ASAH2: variants seen among roughly 807,000 people sequenced by gnomAD.
ASAH2 encodes the protein N-acylsphingosine amidohydrolase 2, also known as neutral ceramidase.
ASAH2 carries 58 observed loss-of-function variants against 82.9 expected under a neutral mutation model. The observed-to-expected ratio is 0.70, with a 90% CI of 0.57 to 0.87. ASAH2 has a LOEUF of 0.87. Among genes scored for constraint, ASAH2 ranks in the 40% least tolerant of loss-of-function variants. The probability of loss-of-function intolerance (pLI) is 0.00; values close to 1 mark genes in which losing one functional copy is unlikely to be tolerated. For missense variants in ASAH2, 779 were observed against 834.0 expected, an observed-to-expected ratio of 0.93 and a Z score of 0.81; for synonymous variants, 276 against 289.7, an observed-to-expected ratio of 0.95 and a Z score of 0.48.
chr10:50,214,628 G>T (rs1845547612), intron 9 of ASAH2, 115 bp downstream of exon 9: 1 of 1,291,080 alleles, frequency 7.7e-7, no homozygotes, highest in South Asian at 1.2e-5. Flanking sequence ...ATGCTAGGGA[G>T]AACTAGGCCA....
At position 50,211,151 on chromosome 10, in the gene ASAH2, C is replaced by CTAA; in HGVS notation, c.1228-18_1228-17insTTA. The CTAA allele has an allele frequency of 6.3e-7, 1 of 1,575,744 alleles. No homozygotes were observed. The highest frequency in any genetic ancestry group is 8.7e-7 in the Non-Finnish European group (1 of 1,145,512). ...ATAGAGTTCCTAGAAAACACACAGG[C>CTAA]TTATTATTCCAAGCAAAAAGGCTAA... On this transcript the variant is annotated splice_polypyrimidine_tract_variant and intron_variant, in intron 10 of 20. Coordinates refer to ENST00000682911, the MANE Select transcript of ASAH2 (RefSeq NM_019893.4).
intron 4 of ASAH2, chr10:50,240,694 C>A: frequency 1.5e-6 from 1 of 663,684 alleles, no homozygotes; most frequent in Non-Finnish European, 2.7e-6. Flanking sequence ...TACATCCCTC[C>A]TTTGTGCCTC....
At chr10:50,213,570 T>C (rs1202395717) in intron 9 of ASAH2, among the ~76,000 whole-genome samples, 1 of 152,112 alleles carries the variant, frequency 6.6e-6, no homozygotes, top group Non-Finnish European at 1.5e-5. Context: ...ATATTATAAG[T>C]GGAATCAAAA....
intron 16 of ASAH2, among the ~76,000 whole-genome samples, chr10:50,201,039 G>T (rs1357532039): frequency 6.6e-6 from 1 of 151,994 alleles, no homozygotes; most frequent in Non-Finnish European, 1.5e-5. Context: ...CAGAATGGCA[G>T]AATGGCACAG....
chr10:50,243,147 A>T, intron 4 of ASAH2, 55 bp downstream of exon 4: 1 of 1,591,602 alleles, frequency 6.3e-7, no homozygotes, highest in Admixed American at 1.7e-5. Context: ...ACATTCACCC[A>T]CTTTTCCTTA....
At chr10:50,240,647 T>C (rs926792783) in intron 4 of ASAH2, 17 of 700,490 alleles carry the variant, frequency 2.4e-5, no homozygotes, top group Admixed American at 6.0e-5. Context: ...CCTCCATATG[T>C]CCTAATAGAT....
intron 5 of ASAH2, among the ~76,000 whole-genome samples, chr10:50,235,656 A>G (rs1024773233): frequency 2.6e-5 from 4 of 152,130 alleles, no homozygotes; most frequent in Non-Finnish European, 5.9e-5. Context: ...AAATAACTAC[A>G]TTGGGCTTAG....
At position 50,251,218 on chromosome 10, in the gene ASAH2, C is replaced by T. The variant is rs114508519; in HGVS notation, c.-37+177G>A. On this transcript the variant is annotated intron_variant, in intron 1 of 20. Transcript: ENST00000682911. ...AATAGCAAGCCGTTTGCCACATCTTCACATAACGGGGTCCCTGTTTTTCAA... is the reference window on the plus strand; with the variant it reads ...AATAGCAAGCCGTTTGCCACATCTTTACATAACGGGGTCCCTGTTTTTCAA... 5.0e-3 allele frequency among the ~76,000 whole-genome samples: 769 copies of T among 152,318 alleles called. 7 individuals carry two copies. Among genetic ancestry groups the T allele is most frequent in the African/African-American group, 0.017 (710 of 41,570 alleles).
chr10:50,230,104 A>G (rs1845985988), intron 7 of ASAH2, among the ~76,000 whole-genome samples: 1 of 152,148 alleles, frequency 6.6e-6, no homozygotes, highest in Admixed American at 6.6e-5. Flanking sequence ...TAGCACAAAC[A>G]TGGGTACTAG....
chr10:50,238,467 G>A (rs113831393), intron 4 of ASAH2, among the ~76,000 whole-genome samples: 7,187 of 152,176 alleles, frequency 0.047, 242 homozygotes, highest in South Asian at 0.14. Context: ...ACATCCTTCT[G>A]TATTCCTTCT....
At position 50,212,957 on chromosome 10, in the gene ASAH2, A is replaced by C; in HGVS notation, c.1227+15T>G. On this transcript the variant is annotated intron_variant, in intron 10 of 20. Coordinates refer to ENST00000682911, the MANE Select transcript of ASAH2 (RefSeq NM_019893.4). ...ATTTTAAACAAAGATTAAAGGAGCG[A>C]GGCCCATGGCTTACCTTTGCTCTCT... 6.2e-7 allele frequency: 1 copy of C among 1,608,476 alleles called. No individual in the cohort carries two copies. Among genetic ancestry groups the C allele is most frequent in the Non-Finnish European group, 8.5e-7 (1 of 1,174,910 alleles).
Position 50,206,075 on chromosome 10 carries a change from A to G in ASAH2, c.1437T>C (p.Phe479=), listed in dbSNP as rs1845286838. Residue 479 remains phenylalanine (F), a synonymous_variant, in exon 13 of 21, where the codon TTT becomes TTC. Transcript: ENST00000682911. The part of the protein sequence containing the change: ...FTQGKTEGDP[F]WDTIRDQILG... ...GGATCTGGTCCCGAATGGTGTCCCA[A>G]AATGGATCCCCTTCTGTTTTCCCTA... The G allele has an allele frequency of 3.7e-6, 6 of 1,612,302 alleles. No individual in the cohort carries two copies. In the African/African-American group the frequency reaches 6.7e-5, roughly 18 times the overall value.
Position 50,233,230 on chromosome 10 carries a change from C to T in ASAH2, c.847G>A (p.Val283Ile). Reference protein sequence around the residue: ...YSSNTDKEMIVLKMVDLNGDD... With the variant: ...YSSNTDKEMIILKMVDLNGDD... ...CCATTCAAATCTACCATTTTCAAAA[C>T]TATCATTTCCTTGTCTGTATTTGAA... The change falls in exon 7 of 21, where the codon GTT becomes ATT. Residue 283 changes from valine (V) to isoleucine (I), a missense_variant. By Grantham distance (29) the Val-to-Ile change is conservative. This residue lies in a region of ASAH2 where 759 missense variants were observed against 755.2 expected (regional missense o/e 1.00). Transcript: ENST00000682911. 3.1e-6 allele frequency: 5 copies of T among 1,611,924 alleles called. No homozygotes were observed. The South Asian group carries it at 5.5e-5, about 18-fold the overall frequency.
chr10:50,243,188 C>A lies in ASAH2; in HGVS notation c.510+14G>T. On this transcript the variant is annotated intron_variant, in intron 4 of 20. Transcript: ENST00000682911. ...TATCATTTCTTCATTCATTTCTCCT[C>A]TCAAATCACTTACCTCCAGCCTGAG... 6.2e-7 allele frequency: 1 copy of A among 1,612,846 alleles called. No individual in the cohort carries two copies. Among genetic ancestry groups the A allele is most frequent in the Non-Finnish European group, 8.5e-7 (1 of 1,179,478 alleles).
intron 7 of ASAH2, among the ~76,000 whole-genome samples, chr10:50,219,293 T>C (rs901066739): frequency 2.0e-5 from 3 of 152,224 alleles, no homozygotes; most frequent in Non-Finnish European, 4.4e-5. Context: ...GTTTACAAAC[T>C]AATTTCACAT....
chr10:50,240,049 A>G (rs1399911035), intron 4 of ASAH2, among the ~76,000 whole-genome samples: 4 of 151,892 alleles, frequency 2.6e-5, no homozygotes, highest in Non-Finnish European at 5.9e-5. Flanking sequence ...GTTGGTCTCG[A>G]ACTCCTGACC....
intron 9 of ASAH2, 151 bp downstream of exon 9, chr10:50,214,592 T>A: frequency 1.1e-6 from 1 of 937,982 alleles, no homozygotes; most frequent in Non-Finnish European, 1.7e-6. Context: ...TTACTGGGTT[T>A]GGACAGGTGC....
intron 9 of ASAH2, among the ~76,000 whole-genome samples, chr10:50,214,137 CT>C (rs1845534893): frequency 6.6e-6 from 1 of 152,082 alleles, no homozygotes; most frequent in Non-Finnish European, 1.5e-5. Context: ...GGATACAAAA[CT>C]CAAAATCCAT....
At chr10:50,214,704 G>A (rs1465150206) in intron 9 of ASAH2, 39 bp downstream of exon 9, 1 of 1,608,624 alleles carries the variant, frequency 6.2e-7, no homozygotes, top group Admixed American at 1.7e-5. Flanking sequence ...ATGTATTTGA[G>A]ATGCAAAAAC....
Sources: allele counts gnomAD v4.1 joint callset (sites outside exome capture counted in the v4.1 genomes callset), GRCh38; gene constraint gnomAD v4.1.1; regional missense constraint gnomAD v4.1.1; transcripts MANE v1.5; gene names NCBI Gene and HGNC (gene_info 2026-07-23, HGNC 2026-07-21).